CXCL13: variants seen among roughly 807,000 people sequenced by gnomAD.
CXCL13 encodes C-X-C motif chemokine 13.
Under a neutral mutation model 12.2 loss-of-function variants are expected in CXCL13, and 7 were observed. The observed-to-expected ratio is 0.57, with a 90% CI of 0.33 to 1.07. CXCL13 has a LOEUF of 1.07. Among genes scored for constraint, CXCL13 ranks in the 50% least tolerant of loss-of-function variants. The pLI, the probability that CXCL13 is intolerant of heterozygous loss-of-function variation, is 0.04. For synonymous variants in CXCL13, 47 were observed against 42.4 expected, an observed-to-expected ratio of 1.11 and a Z score of -0.42; for missense variants, 113 against 127.4, an observed-to-expected ratio of 0.89 and a Z score of 0.55.
At chr4:77,526,853 G>A (rs1252145915) in intron 1 of CXCL13, among the ~76,000 whole-genome samples, 1 of 152,130 alleles carries the variant, frequency 6.6e-6, no homozygotes, top group Admixed American at 6.6e-5. Flanking sequence ...GCCAAGAAGG[G>A]CCAGCCACTT....
chr4:77,513,804 CTT>C (rs113540218), intron 1 of CXCL13, among the ~76,000 whole-genome samples: 23,261 of 140,628 alleles, frequency 0.17, 2,026 homozygotes, highest in South Asian at 0.29. Context: ...GATGGTATCT[CTT>C]TTTTTTTTTT....
chr4:77,559,605 G>C (rs2109811694), intron 1 of CXCL13, among the ~76,000 whole-genome samples: 1 of 152,116 alleles, frequency 6.6e-6, no homozygotes, highest in East Asian at 1.9e-4. Flanking sequence ...GTGTGTGTGT[G>C]TGTGTGATTG....
At chr4:77,560,839 C>T (rs1170478651) in intron 1 of CXCL13, among the ~76,000 whole-genome samples, 8 of 152,126 alleles carry the variant, frequency 5.3e-5, no homozygotes, top group South Asian at 2.1e-4. Flanking sequence ...TAGTGATATG[C>T]CCTTGGGCTC....
At chr4:77,576,310 C>G (rs1726195725) in intron 1 of CXCL13, among the ~76,000 whole-genome samples, 1 of 152,152 alleles carries the variant, frequency 6.6e-6, no homozygotes, top group Non-Finnish European at 1.5e-5. Flanking sequence ...GTCAAGGAAA[C>G]TTATTTTGAG....
intron 1 of CXCL13, among the ~76,000 whole-genome samples, chr4:77,563,546 T>C (rs1242840467): frequency 1.3e-5 from 2 of 152,180 alleles, no homozygotes; most frequent in Non-Finnish European, 2.9e-5. Flanking sequence ...AGAGTAACCT[T>C]GGCTGCTATG....
intron 1 of CXCL13, among the ~76,000 whole-genome samples, chr4:77,553,419 T>C (rs1231358242): frequency 6.6e-6 from 1 of 152,232 alleles, no homozygotes; most frequent in Non-Finnish European, 1.5e-5. Flanking sequence ...TGCCCTCAGT[T>C]CCAGGTCTGG....
chr4:77,553,018 T>A (rs1725570677), intron 1 of CXCL13, among the ~76,000 whole-genome samples: 1 of 152,144 alleles, frequency 6.6e-6, no homozygotes, highest in Non-Finnish European at 1.5e-5. Context: ...GGCAAGGGGA[T>A]GGTACTCTGA....
chr4:77,603,600 CTGT>C (rs1224747967), upstream of CXCL13, among the ~76,000 whole-genome samples: 1 of 152,120 alleles, frequency 6.6e-6, no homozygotes, highest in African/African-American at 2.4e-5. Context: ...GAGTTTCAAA[CTGT>C]TATCAATTCA....
At chr4:77,521,231 T>TA (rs1724587597) in intron 1 of CXCL13, among the ~76,000 whole-genome samples, 2 of 152,172 alleles carry the variant, frequency 1.3e-5, no homozygotes, top group African/African-American at 4.8e-5. Flanking sequence ...GCTGGCCTCA[T>TA]AAATGAGTTA....
intron 1 of CXCL13, among the ~76,000 whole-genome samples, chr4:77,571,489 G>A (rs1274644159): frequency 6.6e-6 from 1 of 151,802 alleles, no homozygotes; most frequent in Non-Finnish European, 1.5e-5. Flanking sequence ...TTTAGCTCAA[G>A]GTTTGTGAAT....
rs574875501 is a variant in CXCL13 at position 77,566,483 on chromosome 4, C to T, written c.-42-39341C>T. ...CTATGTTTTTATCTCTTGGACCATA[C>T]ATTTTTTTCTCCTTTTAAAAATTGG... On this transcript the variant is annotated intron_variant, in intron 1 of 4. Transcript: ENST00000286758. Among the ~76,000 whole-genome samples, 16 of 152,164 alleles carry T rather than the reference C, an allele frequency of 1.1e-4. No individual in the cohort carries two copies. In the South Asian group the frequency reaches 2.5e-3, roughly 24 times the overall value.
intron 1 of CXCL13, among the ~76,000 whole-genome samples, chr4:77,559,013 A>G (rs910909666): frequency 1.3e-5 from 2 of 152,064 alleles, no homozygotes; most frequent in African/African-American, 4.8e-5. Flanking sequence ...TTTCCTCATT[A>G]TTTCTCCAAT....
At chr4:77,599,695 G>A (rs1027209364) in intron 1 of CXCL13, among the ~76,000 whole-genome samples, 1 of 152,210 alleles carries the variant, frequency 6.6e-6, no homozygotes, top group Non-Finnish European at 1.5e-5. Flanking sequence ...GAGAGCACCA[G>A]GATCCACTAA....
Position 77,545,676 on chromosome 4 carries a change from A to G in CXCL13, c.-43+33888A>G, listed in dbSNP as rs190904556. Among the ~76,000 whole-genome samples, 237 of 152,280 alleles carry G rather than the reference A, an allele frequency of 1.6e-3. 2 individuals carry two copies. Among genetic ancestry groups the G allele is most frequent in the Non-Finnish European group, 1.6e-3 (111 of 68,018 alleles). On this transcript the variant is annotated intron_variant, in intron 1 of 4. Transcript: ENST00000286758. ...AGATGACGGGGTTTTCTAAATATAC[A>G]ATCACATCATCTGCAAACAGAGACA...
intron 1 of CXCL13, among the ~76,000 whole-genome samples, chr4:77,579,824 C>T (rs1651570380): frequency 6.6e-6 from 1 of 152,198 alleles, no homozygotes; most frequent in African/African-American, 2.4e-5. Flanking sequence ...GCGCTAAGCA[C>T]TCAGGGAGCC....
At chr4:77,588,371 T>C (rs981362770) in intron 1 of CXCL13, among the ~76,000 whole-genome samples, 10 of 152,024 alleles carry the variant, frequency 6.6e-5, no homozygotes, top group African/African-American at 2.4e-4. Context: ...GCGGGGAAGT[T>C]GATTGGTCCT....
chr4:77,518,010 C>T (rs1724473751), intron 1 of CXCL13, among the ~76,000 whole-genome samples: 1 of 151,632 alleles, frequency 6.6e-6, no homozygotes, highest in South Asian at 2.1e-4. Context: ...CTGGTGGTGA[C>T]ATTTGCTTGT....
At chr4:77,588,106 T>G (rs1412093250) in intron 1 of CXCL13, among the ~76,000 whole-genome samples, 1 of 127,788 alleles carries the variant, frequency 7.8e-6, no homozygotes, top group Non-Finnish European at 1.5e-5. Context: ...ATATCTTGAA[T>G]TTTTTTCTTT....
At chr4:77,536,728 A>G (rs1725066139) in intron 1 of CXCL13, among the ~76,000 whole-genome samples, 1 of 152,202 alleles carries the variant, frequency 6.6e-6, no homozygotes, top group African/African-American at 2.4e-5. Context: ...GTGGCAAAAT[A>G]TCTTTCTTTT....
Sources: gnomAD v4.1 joint callset for allele counts (sites outside exome capture counted in the v4.1 genomes callset) on GRCh38, gnomAD v4.1.1 for gene constraint, MANE v1.5 for transcripts, NCBI Gene and HGNC (gene_info 2026-07-23, HGNC 2026-07-21) for gene names.